SLC1A3: variants seen among roughly 807,000 people sequenced by gnomAD.
SLC1A3 encodes solute carrier family 1 member 3.
Under a neutral mutation model 48.1 loss-of-function variants are expected in SLC1A3, and 21 were observed. The observed-to-expected ratio is 0.44, with a 90% CI of 0.31 to 0.63. The LOEUF is 0.63. Among genes scored for constraint, SLC1A3 ranks in the 20% least tolerant of loss-of-function variants. The probability of loss-of-function intolerance (pLI) is 0.08; values close to 1 mark genes in which losing one functional copy is unlikely to be tolerated. For synonymous variants in SLC1A3, 239 were observed against 251.4 expected (o/e 0.95, Z 0.47); for missense variants, 546 against 689.0 (o/e 0.79, Z 2.32).
In SLC1A3 at chr5:36,686,683, G is replaced by A. The variant is rs966860273; in HGVS notation, c.*414G>A. On this transcript the variant is annotated 3_prime_UTR_variant, in exon 10 of 10. Transcript: ENST00000265113. ...TACAATTCAGTTTTAGTTTCAAAAT[G>A]TTAACAACTTGAATTACAACCGGTT... 1 of 264,354 alleles carries A rather than the reference G, an allele frequency of 3.8e-6. No homozygotes were observed. Among genetic ancestry groups the A allele is most frequent in the Non-Finnish European group, 7.4e-6 (1 of 135,168 alleles). The allele number at this position is 264,354 out of a possible 1,614,324, so 16.4% of individuals were successfully genotyped here.
intron 1 of SLC1A3, among the ~76,000 whole-genome samples, chr5:36,599,495 A>G (rs1386389513): frequency 6.9e-6 from 1 of 144,378 alleles, no homozygotes; most frequent in Non-Finnish European, 1.5e-5. Context: ...TACACATCGT[A>G]GCTACGGTTG....
intron 3 of SLC1A3, among the ~76,000 whole-genome samples, chr5:36,647,447 A>G (rs1386968641): frequency 6.6e-6 from 1 of 152,230 alleles, no homozygotes; most frequent in Non-Finnish European, 1.5e-5. Flanking sequence ...TTGATGTTCA[A>G]TCAAGAAACA....
At chr5:36,671,551 T>C (rs1741997123) in intron 4 of SLC1A3, among the ~76,000 whole-genome samples, 1 of 152,232 alleles carries the variant, frequency 6.6e-6, no homozygotes, top group African/African-American at 2.4e-5. Context: ...CCTATTTTTC[T>C]TAACTGCTGT....
In SLC1A3 at chr5:36,683,981, C is replaced by T; in HGVS notation, c.1407C>T (p.Ile469=). ...GLPTDDITLI[I]AVDWFLDRLR... ...CCACTGACGACATCACGCTCATCATCGCGGTGGACTGGTTCCTGTGAGTAT... is the reference window on the plus strand; with the variant it reads ...CCACTGACGACATCACGCTCATCATTGCGGTGGACTGGTTCCTGTGAGTAT... Residue 469 remains isoleucine (I), a synonymous_variant, in exon 9 of 10, where the codon ATC becomes ATT. Transcript: ENST00000265113. The T allele has an allele frequency of 3.1e-6, 5 of 1,614,240 alleles. No individual in the cohort carries two copies. The highest frequency in any genetic ancestry group is 1.1e-5 in the South Asian group (1 of 91,084).
intron 4 of SLC1A3, 27 bp from the exon 5 acceptor site, chr5:36,674,022 T>C: frequency 5.0e-6 from 8 of 1,606,042 alleles, no homozygotes; most frequent in Non-Finnish European, 6.0e-6. Context: ...TGGAAAATTT[T>C]GCAAGTGACT....
intron 3 of SLC1A3, among the ~76,000 whole-genome samples, chr5:36,642,098 C>T (rs2111811238): frequency 6.6e-6 from 1 of 152,274 alleles, no homozygotes; most frequent in South Asian, 2.1e-4. Context: ...TAACTTTAAT[C>T]TATAAACCTT....
At chr5:36,629,642 A>C in intron 3 of SLC1A3, 55 bp downstream of exon 3, 1 of 1,504,016 alleles carries the variant, frequency 6.6e-7, no homozygotes, top group Non-Finnish European at 9.3e-7. Flanking sequence ...TTTATTGCAA[A>C]AGATTGCTTA....
chr5:36,629,699 G>T, intron 3 of SLC1A3, 112 bp downstream of exon 3: 2 of 675,882 alleles, frequency 3.0e-6, no homozygotes, highest in East Asian at 3.0e-5. Flanking sequence ...CTCTGTTCTA[G>T]AAAAAAAAAA....
intron 2 of SLC1A3, chr5:36,608,833 GT>G (rs2111658476): frequency 7.8e-7 from 1 of 1,279,302 alleles, no homozygotes; most frequent in East Asian, 3.1e-5. Context: ...AATCAATTGT[GT>G]GAGGAAGAAA....
At chr5:36,676,803 G>A in intron 5 of SLC1A3, 89 bp from the exon 6 acceptor site, 1 of 982,818 alleles carries the variant, frequency 1.0e-6, no homozygotes, top group South Asian at 1.6e-5. Flanking sequence ...CAGAGTAACA[G>A]TAATCATTTT....
Position 36,622,842 on chromosome 5 carries a change from A to G in SLC1A3, c.182-6608A>G, listed in dbSNP as rs148951430. ...TTGTCTAACACTGTGAAACCCCGTC[A>G]CTAAAAAAAAATACAAAAAATTAGC... On this transcript the variant is annotated intron_variant, in intron 2 of 9. Transcript: ENST00000265113. Among the ~76,000 whole-genome samples, 619 of 118,094 alleles carry G rather than the reference A, an allele frequency of 5.2e-3. 17 individuals carry two copies. In the East Asian group the frequency reaches 0.072, roughly 14 times the overall value. 77.5% of individuals were successfully genotyped at this position (118,094 alleles called of 152,430 possible). A position where few individuals can be genotyped will look rare whatever the true frequency, so the allele number is the denominator to read the frequency against.
At chr5:36,671,972 A>G (rs1027991440) in intron 4 of SLC1A3, among the ~76,000 whole-genome samples, 13 of 152,332 alleles carry the variant, frequency 8.5e-5, no homozygotes, top group Admixed American at 7.8e-4. Flanking sequence ...CCTGGCAGGA[A>G]GCATACCACA....
intron 3 of SLC1A3, chr5:36,649,465 C>T (rs1740972270): frequency 6.6e-6 from 1 of 152,064 alleles, no homozygotes; most frequent in Admixed American, 6.6e-5. Flanking sequence ...AAACACAATC[C>T]TATGTTCTGT....
At chr5:36,625,116 A>T (rs1739850343) in intron 2 of SLC1A3, among the ~76,000 whole-genome samples, 1 of 152,250 alleles carries the variant, frequency 6.6e-6, no homozygotes, top group Non-Finnish European at 1.5e-5. Context: ...GAGATCTATA[A>T]GCCTGAGCAA....
chr5:36,628,578 C>A (rs1740004824), intron 2 of SLC1A3, among the ~76,000 whole-genome samples: 1 of 152,152 alleles, frequency 6.6e-6, no homozygotes, highest in African/African-American at 2.4e-5. Flanking sequence ...AGTAAATTTT[C>A]TTTGGCAAGG....
intron 3 of SLC1A3, among the ~76,000 whole-genome samples, chr5:36,639,690 C>T (rs1043076361): frequency 6.6e-6 from 1 of 152,250 alleles, no homozygotes; most frequent in African/African-American, 2.4e-5. Context: ...CCTACTCCTT[C>T]AGAAGATATT....
chr5:36,613,508 A>G (rs1367551970), intron 2 of SLC1A3: 1 of 152,322 alleles, frequency 6.6e-6, no homozygotes, highest in Admixed American at 6.5e-5. Context: ...CACAATAGCC[A>G]ACTGCTTGAG....
In SLC1A3 at chr5:36,643,496, A is replaced by G. The variant is rs1038023378; in HGVS notation, c.319+13909A>G. On this transcript the variant is annotated intron_variant, in intron 3 of 9. Coordinates refer to ENST00000265113, the MANE Select transcript of SLC1A3 (RefSeq NM_004172.5). ...AAATGTCTATTCAGATCCTTTGCCC[A>G]TTTTTTAATGGGGGTGGCTTTTTGT... Among the ~76,000 whole-genome samples, 4 of 152,230 alleles carry G rather than the reference A, an allele frequency of 2.6e-5. No homozygotes were observed. In the East Asian group the frequency reaches 5.8e-4, roughly 22 times the overall value.
intron 5 of SLC1A3, among the ~76,000 whole-genome samples, 180 bp downstream of exon 5, chr5:36,674,271 T>C (rs888548463): frequency 3.3e-5 from 5 of 152,156 alleles, no homozygotes; most frequent in East Asian, 1.9e-4. Context: ...TTACCTTGTA[T>C]TGAAAGCTTA....
Sources: allele counts gnomAD v4.1 joint callset (sites outside exome capture counted in the v4.1 genomes callset), GRCh38; gene constraint gnomAD v4.1.1; transcripts MANE v1.5; gene names NCBI Gene and HGNC (gene_info 2026-07-23, HGNC 2026-07-21).